The following SLC35C1 variants were observed in gnomAD, a reference collection of about 807,000 sequenced individuals.
SLC35C1 encodes the protein solute carrier family 35 member C1.
SLC35C1 carries 8 observed loss-of-function variants against 23.2 expected under a neutral mutation model. The observed-to-expected ratio is 0.35, with a 90% CI of 0.20 to 0.62. The LOEUF is 0.62. SLC35C1 is among the 20% of genes least tolerant of loss of function. SLC35C1 has a pLI of 0.75. For missense variants in SLC35C1, 422 were observed against 478.6 expected (o/e 0.88, Z 1.10); for synonymous variants, 226 against 225.1 (o/e 1.00, Z -0.04).
chr11:45,808,230 TG>T (rs1391650239), intron 1 of SLC35C1, among the ~76,000 whole-genome samples: 1 of 152,232 alleles, frequency 6.6e-6, no homozygotes, highest in African/African-American at 2.4e-5. Context: ...CCAGGCACAG[TG>T]GCTCATGCCT....
chr11:45,810,352 ACCAC>A, intron 1 of SLC35C1: 1 of 985,416 alleles, frequency 1.0e-6, no homozygotes, highest in Non-Finnish European at 1.2e-6. Context: ...AATCACATTA[ACCAC>A]TAAGTGGCAC....
chr11:45,805,335 G>GGGC lies in SLC35C1; in HGVS notation c.-467_-466insGGC. 4.0e-4 allele frequency: 225 copies of GGGC among 565,370 alleles called. No individual in the cohort carries two copies. Among genetic ancestry groups the GGGC allele is most frequent in the South Asian group, 5.6e-4 (7 of 12,536 alleles). The allele number at this position is 565,370 out of a possible 1,614,324, so 35.0% of individuals were successfully genotyped here. A position where few individuals can be genotyped will look rare whatever the true frequency, so the allele number is the denominator to read the frequency against. On this transcript the variant is annotated 5_prime_UTR_variant, in exon 1 of 2. Coordinates refer to ENST00000314134, the MANE Select transcript of SLC35C1 (RefSeq NM_018389.5). The stretch of plus-strand genomic sequence containing the variant: ...GCTCCCTGTACGCCTCCCTCCCCCT[G>GGGC]CCCGCCCCTCCCTCCCACAGCCGCC...
Position 45,806,144 on chromosome 11 carries a change from C to T in SLC35C1, c.343C>T (p.Arg115Cys), listed in dbSNP as rs2085871762. 1 of 1,607,308 alleles carries T rather than the reference C, an allele frequency of 6.2e-7. No homozygotes were observed. The highest frequency in any genetic ancestry group is 8.5e-7 in the Non-Finnish European group (1 of 1,179,974). ...PSLRLDLRVARSVLPLSVVFI... is the reference protein window; with the variant it reads ...PSLRLDLRVACSVLPLSVVFI... ...CTTGCGCCTGGACCTCAGGGTGGCC[C>T]GCAGCGTCCTGCCCCTGTCGGTGGT... Residue 115 changes from arginine to cysteine, a missense_variant, in exon 1 of 2, where the codon CGC (arginine) becomes TGC (cysteine). Coordinates refer to ENST00000314134, the MANE Select transcript of SLC35C1 (RefSeq NM_018389.5).
Position 45,811,266 on chromosome 11 carries a change from C to T in SLC35C1, c.1026C>T (p.Gly342=), listed in dbSNP as rs774558100. 1.3e-6 allele frequency: 2 copies of T among 1,584,704 alleles called. No homozygotes were observed. Among genetic ancestry groups the T allele is most frequent in the Non-Finnish European group, 1.7e-6 (2 of 1,165,972 alleles). ...CCTCCGCCTACACCTGGGTCAGGGG[C>T]TGGGAGATGAAGAAGACTCCGGAGG... The part of the protein sequence containing the change: ...GGSSAYTWVR[G]WEMKKTPEEP... Residue 342 remains glycine, a synonymous_variant, in exon 2 of 2, where the codon GGC becomes GGT. Transcript: ENST00000314134.
intron 1 of SLC35C1, chr11:45,806,821 A>C: frequency 1.8e-5 from 15 of 851,914 alleles, no homozygotes; most frequent in Non-Finnish European, 2.1e-5. Flanking sequence ...TTGTTTCTCA[A>C]GAGCTCAGGT....
At chr11:45,808,531 T>C (rs2085901787) in intron 1 of SLC35C1, among the ~76,000 whole-genome samples, 1 of 152,068 alleles carries the variant, frequency 6.6e-6, no homozygotes, top group African/African-American at 2.4e-5. Flanking sequence ...CAAGAGTCGC[T>C]CTAGAACATT....
intron 1 of SLC35C1, among the ~76,000 whole-genome samples, chr11:45,807,962 A>G (rs1157530728): frequency 6.6e-6 from 1 of 152,190 alleles, no homozygotes; most frequent in African/African-American, 2.4e-5. Flanking sequence ...TGAAGACACT[A>G]GGGTAACTGG....
intron 1 of SLC35C1, 46 bp downstream of exon 1, chr11:45,806,382 T>G: frequency 6.3e-7 from 1 of 1,599,640 alleles, no homozygotes. Flanking sequence ...TCATGGGGAC[T>G]GAAGCAGTGA....
At chr11:45,808,201 T>G (rs940978060) in intron 1 of SLC35C1, among the ~76,000 whole-genome samples, 2 of 152,184 alleles carry the variant, frequency 1.3e-5, no homozygotes, top group African/African-American at 4.8e-5. Context: ...ACACAGTAAC[T>G]TTCAAAGCTC....
intron 1 of SLC35C1, chr11:45,806,833 T>C: frequency 1.1e-6 from 1 of 922,988 alleles, no homozygotes; most frequent in South Asian, 5.0e-5. Context: ...AGCTCAGGTG[T>C]CCTGATTTCC....
At chr11:45,806,726 A>G (rs143036147) in intron 1 of SLC35C1, 432 of 183,216 alleles carry the variant, frequency 2.4e-3, no homozygotes, top group African/African-American at 9.0e-3. Context: ...CTTGTCCAAG[A>G]TCACCCAGCT....
At position 45,811,034 on chromosome 11, in the gene SLC35C1, A is replaced by T. The variant is rs1191347893; in HGVS notation, c.794A>T (p.His265Leu). 2 of 1,612,954 alleles carry T rather than the reference A, an allele frequency of 1.2e-6. No individual in the cohort carries two copies. Residue 265 changes from histidine (H) to leucine (L), a missense_variant, in exon 2 of 2, where the codon CAC becomes CTC. Coordinates refer to ENST00000314134, the MANE Select transcript of SLC35C1 (RefSeq NM_018389.5). ...GACTTTGCCCAGCTGGGCAGTGCCCACTTCTGGGGGATGATGACGCTGGGC... is the reference window on the plus strand; with the variant it reads ...GACTTTGCCCAGCTGGGCAGTGCCCTCTTCTGGGGGATGATGACGCTGGGC... The part of the protein sequence containing the change: ...LRDFAQLGSA[H>L]FWGMMTLGGL...
chr11:45,812,931 C>T lies in SLC35C1; in HGVS notation c.*1596C>T, dbSNP rs1223059513. ...GTCTTCTCCCCCCTCCCTCTCCAGT[C>T]CCCTCACAATCCCAGATGGGTTCTA... On this transcript the variant is annotated 3_prime_UTR_variant, in exon 2 of 2. Transcript: ENST00000314134. The T allele has an allele frequency of 3.3e-6, 1 of 303,060 alleles. No individual in the cohort carries two copies. The highest frequency in any genetic ancestry group is 6.7e-6 in the Non-Finnish European group (1 of 150,200). The allele number at this position is 303,060 out of a possible 1,614,324, so 18.8% of individuals were successfully genotyped here.
chr11:45,808,051 A>C (rs944777751), intron 1 of SLC35C1, among the ~76,000 whole-genome samples: 31 of 152,194 alleles, frequency 2.0e-4, no homozygotes, highest in African/African-American at 7.0e-4. Context: ...CCTGACTGGG[A>C]CAGGGGCCAG....
rs776648588 is a variant in SLC35C1, at chr11:45,806,179, C to T, written c.378C>T (p.Gly126=). Residue 126 remains glycine, a synonymous_variant, in exon 1 of 2, where the codon GGC becomes GGT. Transcript: ENST00000314134. ...TGCCCCTGTCGGTGGTCTTCATCGG[C>T]ATGATCACCTTCAATAACCTCTGCC... ...SVLPLSVVFI[G]MITFNNLCLK... is the part of the protein sequence containing the mutation. 1.2e-6 allele frequency: 2 copies of T among 1,605,312 alleles called. No individual in the cohort carries two copies. The highest frequency in any genetic ancestry group is 1.7e-5 in the Admixed American group (1 of 60,000).
rs974599944 is a variant in SLC35C1, at chr11:45,805,515, C to G, written c.-287C>G. The G allele has an allele frequency of 1.3e-5, 17 of 1,354,034 alleles. No homozygotes were observed. The highest frequency in any genetic ancestry group is 1.6e-5 in the Non-Finnish European group (17 of 1,047,970). 83.9% of individuals were successfully genotyped at this position (1,354,034 alleles called of 1,614,324 possible). A position where few individuals can be genotyped will look rare whatever the true frequency, so the allele number is the denominator to read the frequency against. ...TAGGCCCCAGCCTCTTCTCCCCTCACAGGTCTTCTCTGTCCTGGCCTCACC... is the reference window on the plus strand; with the variant it reads ...TAGGCCCCAGCCTCTTCTCCCCTCAGAGGTCTTCTCTGTCCTGGCCTCACC... On this transcript the variant is annotated 5_prime_UTR_variant, in exon 1 of 2. Coordinates refer to ENST00000314134, the MANE Select transcript of SLC35C1 (RefSeq NM_018389.5).
Position 45,805,665 on chromosome 11 carries a change from T to C in SLC35C1, c.-137T>C, listed in dbSNP as rs1451930330. 2 of 1,548,160 alleles carry C rather than the reference T, an allele frequency of 1.3e-6. No individual in the cohort carries two copies. The highest frequency in any genetic ancestry group is 1.7e-6 in the Non-Finnish European group (2 of 1,152,030). ...AGAACTTCTCAATCCATGAGGACAATGGGGAGGCCTTTAGGCCAGCCCACA... is the reference window on the plus strand; with the variant it reads ...AGAACTTCTCAATCCATGAGGACAACGGGGAGGCCTTTAGGCCAGCCCACA... On this transcript the variant is annotated 5_prime_UTR_variant, in exon 1 of 2. It removes an upstream start codon present in the reference 5' UTR. Coordinates refer to ENST00000314134, the MANE Select transcript of SLC35C1 (RefSeq NM_018389.5).
intron 1 of SLC35C1, chr11:45,810,433 C>T (rs2085925912): frequency 1.0e-6 from 1 of 985,346 alleles, no homozygotes; most frequent in Admixed American, 6.1e-5. Flanking sequence ...CGCCCACTTA[C>T]AGGCTCTCAC....
chr11:45,810,249 T>G, intron 1 of SLC35C1: 1 of 985,404 alleles, frequency 1.0e-6, no homozygotes, highest in Non-Finnish European at 1.2e-6. Context: ...GATTCTAACT[T>G]AATGTGCCCC....
Sources: gnomAD v4.1 joint callset for allele counts (sites outside exome capture counted in the v4.1 genomes callset) on GRCh38, gnomAD v4.1.1 for gene constraint, MANE v1.5 for transcripts, NCBI Gene and HGNC (gene_info 2026-07-23, HGNC 2026-07-21) for gene names.